PDE4D: variants seen among roughly 807,000 people sequenced by gnomAD.
PDE4D encodes the protein phosphodiesterase 4D, also known as 3',5'-cyclic-AMP phosphodiesterase 4D.
Under a neutral mutation model 87.4 loss-of-function variants are expected in PDE4D, and 24 were observed. The observed-to-expected ratio is 0.27, with a 90% CI of 0.20 to 0.39. PDE4D has a LOEUF of 0.39. PDE4D is among the 10% of genes least tolerant of loss of function. The pLI is 1.00. For missense variants in PDE4D, 714 were observed against 1,041.0 expected, an observed-to-expected ratio of 0.69 and a Z score of 4.32; for synonymous variants, 384 against 383.2, an observed-to-expected ratio of 1.00 and a Z score of -0.02.
chr5:60,281,638 C>G (rs35022567), intron 1 of PDE4D, among the ~76,000 whole-genome samples: 15,133 of 151,906 alleles, frequency 0.1, 1,042 homozygotes, highest in South Asian at 0.29. Context: ...CATGACCAAC[C>G]CTTTTTTTAA....
chr5:59,429,948 G>A (rs920630310), intron 1 of PDE4D, among the ~76,000 whole-genome samples: 1 of 152,004 alleles, frequency 6.6e-6, no homozygotes, highest in Non-Finnish European at 1.5e-5. Context: ...GAGTTACTGG[G>A]CATCTGGTAT....
intron 1 of PDE4D, among the ~76,000 whole-genome samples, chr5:59,434,518 C>T (rs1016156960): frequency 2.6e-5 from 4 of 152,064 alleles, no homozygotes; most frequent in African/African-American, 9.7e-5. Flanking sequence ...TTGATCTCTA[C>T]ACTTACTGGT....
At chr5:60,416,704 A>G (rs539102664) in intron 1 of PDE4D, among the ~76,000 whole-genome samples, 8 of 152,222 alleles carry the variant, frequency 5.3e-5, no homozygotes, top group Non-Finnish European at 8.8e-5. Context: ...AGTCAGTGAG[A>G]CCAAGAGCCC....
At chr5:59,626,587 T>C (rs1276258282) in intron 1 of PDE4D, among the ~76,000 whole-genome samples, 1 of 151,750 alleles carries the variant, frequency 6.6e-6, no homozygotes, top group Non-Finnish European at 1.5e-5. Context: ...TGAGATCCCA[T>C]CTCTACAAAT....
intron 1 of PDE4D, among the ~76,000 whole-genome samples, chr5:59,738,703 CATA>C (rs1258637808): frequency 4.0e-5 from 6 of 151,440 alleles, no homozygotes; most frequent in East Asian, 1.9e-4. Context: ...AATATTTTAA[CATA>C]ATAATATAAA....
chr5:59,760,392 A>G (rs967895087), intron 1 of PDE4D, among the ~76,000 whole-genome samples: 3 of 152,196 alleles, frequency 2.0e-5, no homozygotes, highest in African/African-American at 7.2e-5. Flanking sequence ...TACTTCTTCT[A>G]CTGTTGGATA....
intron 1 of PDE4D, among the ~76,000 whole-genome samples, chr5:59,654,790 G>C (rs1215967688): frequency 2.6e-5 from 4 of 151,878 alleles, no homozygotes; most frequent in African/African-American, 9.7e-5. Context: ...CTTGTCTATA[G>C]TGGACATTTC....
intron 6 of PDE4D, among the ~76,000 whole-genome samples, chr5:59,004,283 T>C (rs1751132333): frequency 2.0e-5 from 3 of 152,218 alleles, no homozygotes; most frequent in Admixed American, 2.0e-4. Context: ...TGTGTGACCT[T>C]GGGGAAGCTA....
At chr5:59,464,757 C>T (rs57740257) in intron 1 of PDE4D, among the ~76,000 whole-genome samples, 2,825 of 149,740 alleles carry the variant, frequency 0.019, 92 homozygotes, top group African/African-American at 0.067. Context: ...CCCCTTCACT[C>T]GGGTCATGCA....
chr5:59,628,753 G>A (rs1228970262), intron 1 of PDE4D, among the ~76,000 whole-genome samples: 1 of 152,190 alleles, frequency 6.6e-6, no homozygotes, highest in Non-Finnish European at 1.5e-5. Flanking sequence ...TAGGGCAAGG[G>A]ACTGTGTGTG....
intron 1 of PDE4D, among the ~76,000 whole-genome samples, chr5:60,312,434 A>G (rs1336383713): frequency 1.3e-5 from 2 of 152,220 alleles, no homozygotes; most frequent in Non-Finnish European, 2.9e-5. Context: ...AGACTGGGTA[A>G]TTTATAAAGG....
At chr5:59,121,536 C>T (rs1376405627) in intron 5 of PDE4D, among the ~76,000 whole-genome samples, 3 of 150,248 alleles carry the variant, frequency 2.0e-5, no homozygotes. Context: ...ATTAAAAATG[C>T]AAAAAATAAT....
chr5:59,676,484 G>A (rs531341989), intron 1 of PDE4D, among the ~76,000 whole-genome samples: 5 of 152,108 alleles, frequency 3.3e-5, no homozygotes, highest in Non-Finnish European at 7.4e-5. Context: ...AAACCAAAGG[G>A]ACATATTAAT....
At chr5:59,473,961 T>C (rs577625113) in intron 1 of PDE4D, among the ~76,000 whole-genome samples, 22 of 152,280 alleles carry the variant, frequency 1.4e-4, no homozygotes, top group Admixed American at 5.2e-4. Flanking sequence ...ATATAAAGCT[T>C]AGCTTAGAAT....
chr5:59,408,435 G>A lies in PDE4D; in HGVS notation c.456-192467C>T, dbSNP rs1427380858. Among the ~76,000 whole-genome samples the A allele has an allele frequency of 3.3e-5, 5 of 152,156 alleles. No homozygotes were observed. The East Asian group carries it at 9.6e-4, about 29-fold the overall frequency. ...GTGTCCAGGCAGAAGCATGCTACAG[G>A]GACAGAGTCCTCACAGAAAACCTCT... is the stretch of plus-strand genomic sequence containing the variant. On this transcript the variant is annotated intron_variant, in intron 1 of 14. Coordinates refer to ENST00000340635, the MANE Select transcript of PDE4D (RefSeq NM_001104631.2).
At chr5:59,340,253 A>G (rs921084141) in intron 1 of PDE4D, among the ~76,000 whole-genome samples, 1 of 152,190 alleles carries the variant, frequency 6.6e-6, no homozygotes, top group African/African-American at 2.4e-5. Context: ...GTTTTTGCGT[A>G]GTGTCTACTG....
chr5:60,063,133 A>G (rs865883544), intron 2 of PDE4D, among the ~76,000 whole-genome samples: 22 of 150,642 alleles, frequency 1.5e-4, no homozygotes, highest in South Asian at 1.3e-3. Flanking sequence ...AAAGAAAGAA[A>G]GAAAGAAAGA....
intron 6 of PDE4D, among the ~76,000 whole-genome samples, chr5:59,020,646 C>G (rs1408844003): frequency 6.6e-6 from 1 of 151,520 alleles, no homozygotes; most frequent in East Asian, 1.9e-4. Context: ...TCACAAATCT[C>G]TTTCTAAGGG....
chr5:59,557,118 G>A (rs920676021), intron 1 of PDE4D, among the ~76,000 whole-genome samples: 2 of 152,078 alleles, frequency 1.3e-5, no homozygotes, highest in African/African-American at 4.8e-5. Flanking sequence ...ATGATCTAAC[G>A]TTTCTTGTTC....
Sources: allele counts gnomAD v4.1 joint callset (sites outside exome capture counted in the v4.1 genomes callset), GRCh38; gene constraint gnomAD v4.1.1; transcripts MANE v1.5; gene names NCBI Gene and HGNC (gene_info 2026-07-23, HGNC 2026-07-21).